SSRP1: variants seen among roughly 807,000 people sequenced by gnomAD.
The protein encoded by SSRP1 is FACT complex subunit SSRP1.
A neutral mutation model predicts 84.4 loss-of-function variants in SSRP1; 21 were observed. That is an observed-to-expected ratio of 0.25 (90% CI 0.18 to 0.36). The LOEUF (loss-of-function observed/expected upper bound fraction) is 0.36, where lower values mean the gene tolerates loss of function less well. SSRP1 is among the 10% of genes least tolerant of loss of function. SSRP1 has a pLI of 1.00. For missense variants in SSRP1, 519 were observed against 900.8 expected (o/e 0.58, Z 5.43); for synonymous variants, 319 against 318.3 (o/e 1.00, Z -0.02).
chr11:57,332,870 A>G lies in SSRP1; in HGVS notation c.538-15T>C. The G allele has an allele frequency of 6.2e-7, 1 of 1,604,184 alleles. No homozygotes were observed. The highest frequency in any genetic ancestry group is 8.5e-7 in the Non-Finnish European group (1 of 1,172,792). On this transcript the variant is annotated splice_polypyrimidine_tract_variant and intron_variant, in intron 5 of 16. Transcript: ENST00000278412. This position sits in a 1 kb window ranked among gnomAD's most constrained non-coding sequence, Gnocchi z 5.5. Reference sequence around the variant, plus strand: ...TGGGCAAAGGCCTGCAAAAGCACATATTGGTAGCCAAGCAGCAGGCCCTGC... The same window carrying G: ...TGGGCAAAGGCCTGCAAAAGCACATGTTGGTAGCCAAGCAGCAGGCCCTGC...
chr11:57,334,885 C>A lies in SSRP1; in HGVS notation c.54+183G>T, dbSNP rs146621686. Among the ~76,000 whole-genome samples the A allele has an allele frequency of 2.7e-3, 410 of 152,338 alleles. 2 individuals are homozygous for A. The highest frequency in any genetic ancestry group is 9.4e-3 in the African/African-American group (390 of 41,582). On this transcript the variant is annotated intron_variant, in intron 2 of 16. Transcript: ENST00000278412. Reference sequence around the variant, plus strand: ...GGAATTGGGAACTGAACAGCATATACGGTCCCTATAACTCTGAGACTATCT... The same window carrying A: ...GGAATTGGGAACTGAACAGCATATAAGGTCCCTATAACTCTGAGACTATCT...
Position 57,326,173 on chromosome 11 carries a change from G to A in SSRP1, c.*234C>T. 1 of 582,760 alleles carries A rather than the reference G, an allele frequency of 1.7e-6. No homozygotes were observed. Among genetic ancestry groups the A allele is most frequent in the Non-Finnish European group, 3.1e-6 (1 of 326,918 alleles). The allele number at this position is 582,760 out of a possible 1,614,324, so 36.1% of individuals were successfully genotyped here. A position where few individuals can be genotyped will look rare whatever the true frequency, so the allele number is the denominator to read the frequency against. On this transcript the variant is annotated 3_prime_UTR_variant, in exon 17 of 17. Coordinates refer to ENST00000278412, the MANE Select transcript of SSRP1 (RefSeq NM_003146.3). ...AAAGTAAGATGAGGATTTGGATCCT[G>A]CATTGCCCTGCCTCCCACCCTATCT...
At chr11:57,326,549 C>G in intron 16 of SSRP1, 71 bp from the exon 17 acceptor site, 1 of 1,606,282 alleles carries the variant, frequency 6.2e-7, no homozygotes, top group Non-Finnish European at 8.5e-7. Flanking sequence ...AGTGAAGGGC[C>G]CGCAATTCCC....
intron 9 of SSRP1, among the ~76,000 whole-genome samples, chr11:57,331,172 G>A (rs977359244): frequency 3.3e-5 from 5 of 152,304 alleles, no homozygotes; most frequent in African/African-American, 1.2e-4. Flanking sequence ...GGAGGGGTGC[G>A]CATCTGTTTA....
At position 57,330,207 on chromosome 11, in the gene SSRP1, A is replaced by C; in HGVS notation, c.1436-69T>G. On this transcript the variant is annotated intron_variant, in intron 11 of 16. Transcript: ENST00000278412. This position sits in a 1 kb window ranked among gnomAD's most constrained non-coding sequence, Gnocchi z 4.0. Reference sequence around the variant, plus strand: ...ATCCCCCCACCTCACCCAGGCACCCAGCTCTGGCCCAAGGGTGAGTCCAGC... The same window carrying C: ...ATCCCCCCACCTCACCCAGGCACCCCGCTCTGGCCCAAGGGTGAGTCCAGC... 1 of 1,614,050 alleles carries C rather than the reference A, an allele frequency of 6.2e-7. No homozygotes were observed. The highest frequency in any genetic ancestry group is 2.2e-5 in the East Asian group (1 of 44,874).
At chr11:57,328,171 G>A in intron 13 of SSRP1, 126 bp downstream of exon 13, 2 of 1,418,204 alleles carry the variant, frequency 1.4e-6, no homozygotes, top group East Asian at 2.3e-5. Flanking sequence ...ATAATCACTG[G>A]CTATAAAAAA....
chr11:57,327,193 A>G (rs1856003047), intron 15 of SSRP1: 3 of 649,718 alleles, frequency 4.6e-6, no homozygotes, highest in South Asian at 4.0e-5. Flanking sequence ...TCGTTCCCCC[A>G]TACCTTCAAA....
At chr11:57,328,523 A>C in intron 12 of SSRP1, 97 bp from the exon 13 acceptor site, 1 of 1,512,052 alleles carries the variant, frequency 6.6e-7, no homozygotes, top group Non-Finnish European at 8.9e-7. Flanking sequence ...ACCCACCCAA[A>C]AGGGGCAAGG....
In SSRP1 at chr11:57,330,917, C is replaced by T; in HGVS notation, c.1234G>A (p.Gly412Arg). Residue 412 changes from glycine to arginine, a missense_variant, in exon 10 of 17, where the codon GGG (glycine) becomes AGG (arginine). By Grantham distance (125) the Gly-to-Arg change is moderately radical (BLOSUM62 -2). This residue lies in a region of SSRP1 where 16 missense variants were observed against 29.0 expected (regional missense o/e 0.55). Coordinates refer to ENST00000278412, the MANE Select transcript of SSRP1 (RefSeq NM_003146.3). The surrounding 1 kb of genome is among the most constrained non-coding windows in gnomAD (Gnocchi z 4.0). ...GCGTTGACAAAATCAAACAGTTTCCCGTACTCCTCCCTGTGAGGGGACATG... is the reference window on the plus strand; with the variant it reads ...GCGTTGACAAAATCAAACAGTTTCCTGTACTCCTCCCTGTGAGGGGACATG... ...TFSSIEREEY[G>R]KLFDFVNAKK... The T allele has an allele frequency of 6.2e-7, 1 of 1,614,154 alleles. No homozygotes were observed. The highest frequency in any genetic ancestry group is 8.5e-7 in the Non-Finnish European group (1 of 1,180,024).
At chr11:57,331,038 G>A in intron 9 of SSRP1, 111 bp from the exon 10 acceptor site, 1 of 1,242,352 alleles carries the variant, frequency 8.0e-7, no homozygotes, top group Non-Finnish European at 1.2e-6. Flanking sequence ...TGGAGCTCTT[G>A]ACTATGCTAC....
At chr11:57,331,005 G>T in intron 9 of SSRP1, 78 bp from the exon 10 acceptor site, 1 of 1,517,918 alleles carries the variant, frequency 6.6e-7, no homozygotes, top group Non-Finnish European at 9.1e-7. Context: ...CTGATTCCAT[G>T]AGCTGGGGTA....
intron 3 of SSRP1, among the ~76,000 whole-genome samples, chr11:57,333,886 T>C (rs1008767185): frequency 1.3e-5 from 2 of 152,254 alleles, no homozygotes; most frequent in African/African-American, 2.4e-5. Flanking sequence ...GCGCAATGGC[T>C]CACGCCTGTA....
At chr11:57,327,685 C>G in intron 14 of SSRP1, 27 bp downstream of exon 14, 1 of 1,611,510 alleles carries the variant, frequency 6.2e-7, no homozygotes, top group Non-Finnish European at 8.5e-7. Flanking sequence ...CCATGAGAGG[C>G]ATCACCCCTC....
At chr11:57,331,639 C>T in intron 9 of SSRP1, 29 bp downstream of exon 9, 1 of 1,582,720 alleles carries the variant, frequency 6.3e-7, no homozygotes, top group Non-Finnish European at 8.7e-7. Context: ...GACCAGGATG[C>T]CCAGGAAGTG....
intron 12 of SSRP1, chr11:57,329,364 G>A (rs1368905522): frequency 6.6e-6 from 1 of 152,438 alleles, no homozygotes; most frequent in Non-Finnish European, 1.5e-5. Context: ...GCCTATTTCT[G>A]GCCCATCAGA....
Position 57,330,132 on chromosome 11 carries a change from G to A in SSRP1, c.1442C>T (p.Ser481Leu). The change falls in exon 12 of 17, where the codon TCA becomes TTA. Residue 481 changes from serine to leucine, a missense_variant. Coordinates refer to ENST00000278412, the MANE Select transcript of SSRP1 (RefSeq NM_003146.3). This position sits in a 1 kb window ranked among gnomAD's most constrained non-coding sequence, Gnocchi z 4.0. Reference protein sequence around the residue: ...SDDSGEETDESFNPGEEEEDV... With the variant: ...SDDSGEETDELFNPGEEEEDV... ...TTCCTCCTCTTCACCTGGGTTGAAT[G>A]ACTCATCTGAAAAAGGGCACAGGAT... The A allele has an allele frequency of 6.2e-7, 1 of 1,614,124 alleles. No individual in the cohort carries two copies. Among genetic ancestry groups the A allele is most frequent in the Non-Finnish European group, 8.5e-7 (1 of 1,180,040 alleles).
At chr11:57,327,650 C>A (rs1027920252) in intron 14 of SSRP1, 62 bp downstream of exon 14, 68 of 1,606,352 alleles carry the variant, frequency 4.2e-5, no homozygotes, top group Non-Finnish European at 5.4e-5. Flanking sequence ...AGACTCGCCA[C>A]CCCAAGACAG....
rs1385961996 is a variant in SSRP1 at position 57,327,851 on chromosome 11, T to C, written c.1643A>G (p.Lys548Arg). ...CAGCATGTATGCAGACATGGGCCTC[T>C]TGGGGGCATTGGGGTCTTTGCCCTT... is the stretch of plus-strand genomic sequence containing the variant. ...VKKGKDPNAP[K>R]RPMSAYMLWL... Residue 548 changes from lysine to arginine, a missense_variant, in exon 14 of 17, where the codon AAG becomes AGG. Lys to Arg is a conservative substitution (Grantham distance 26). Transcript: ENST00000278412. 3 of 1,614,114 alleles carry C rather than the reference T, an allele frequency of 1.9e-6. No individual in the cohort carries two copies. Among genetic ancestry groups the C allele is most frequent in the Admixed American group, 1.7e-5 (1 of 60,018 alleles).
At chr11:57,328,158 G>T in intron 13 of SSRP1, 139 bp downstream of exon 13, 1 of 1,357,676 alleles carries the variant, frequency 7.4e-7, no homozygotes, top group Non-Finnish European at 1.0e-6. Flanking sequence ...AACCCTCAAG[G>T]CTATAATCAC....
Sources: gnomAD v4.1 joint callset for allele counts (sites outside exome capture counted in the v4.1 genomes callset) on GRCh38, gnomAD v4.1.1 for gene constraint, gnomAD v4.1.1 regional missense constraint, Gnocchi (gnomAD v3.1) non-coding constraint, MANE v1.5 for transcripts, NCBI Gene and HGNC (gene_info 2026-07-23, HGNC 2026-07-21) for gene names.